MMP16: variants seen among roughly 807,000 people sequenced by gnomAD.
MMP16 encodes matrix metallopeptidase 16, also known as matrix metalloproteinase-16.
MMP16 carries 12 observed loss-of-function variants against 67.8 expected under a neutral mutation model. The ratio of observed to expected loss-of-function variants is 0.18; its 90% CI spans 0.11 to 0.29. The LOEUF (loss-of-function observed/expected upper bound fraction) is 0.29. Among genes scored for constraint, MMP16 ranks in the 10% least tolerant of loss-of-function variants. The pLI, the probability that MMP16 is intolerant of heterozygous loss-of-function variation, is 1.00. For missense variants in MMP16, 475 were observed against 765.7 expected (o/e 0.62, Z 4.48); for synonymous variants, 249 against 255.9 (o/e 0.97, Z 0.26).
chr8:88,122,350 C>G (rs991843180), intron 4 of MMP16, among the ~76,000 whole-genome samples: 1 of 151,936 alleles, frequency 6.6e-6, no homozygotes, highest in East Asian at 1.9e-4. Context: ...GTCATCTCCT[C>G]CATGAAGCCT....
At chr8:88,286,578 C>A (rs1810835291) in intron 1 of MMP16, among the ~76,000 whole-genome samples, 1 of 97,648 alleles carries the variant, frequency 1.0e-5, no homozygotes, top group Non-Finnish European at 2.6e-5. Context: ...ACCTGGAACT[C>A]AATTTTTTTT....
At chr8:88,127,215 G>A (rs2118461149) in intron 4 of MMP16, among the ~76,000 whole-genome samples, 1 of 151,964 alleles carries the variant, frequency 6.6e-6, no homozygotes, top group East Asian at 2.0e-4. Context: ...TGAATGCTAG[G>A]TTTGAGTGTG....
chr8:88,186,520 A>G lies in MMP16; in HGVS notation c.360T>C (p.Tyr120=). Residue 120 remains tyrosine (Y), a synonymous_variant, in exon 3 of 10, where the codon TAT becomes TAC. Coordinates refer to ENST00000286614, the MANE Select transcript of MMP16 (RefSeq NM_005941.5). ...SSKFHIRRKR[Y]ALTGQKWQHK... ...GCTGCCATTTCTGTCCTGTCAATGC[A>G]TATCGCTTTCGACGAATATGAAATT... is the stretch of plus-strand genomic sequence containing the variant. 3 of 1,610,916 alleles carry G rather than the reference A, an allele frequency of 1.9e-6. No homozygotes were observed. The highest frequency in any genetic ancestry group is 2.5e-6 in the Non-Finnish European group (3 of 1,179,378).
In MMP16 at chr8:88,116,591, G is replaced by A. The variant is rs1461273949; in HGVS notation, c.999C>T (p.Pro333=). 6.2e-7 allele frequency: 1 copy of A among 1,613,836 alleles called. No individual in the cohort carries two copies. The highest frequency in any genetic ancestry group is 8.5e-7 in the Non-Finnish European group (1 of 1,179,886). The part of the protein sequence containing the change: ...PKPPRPPTGR[P]SYPGAKPNIC... ...TGTTGGGTTTGGCTCCGGGATAGGA[G>A]GGTCTGCCGGTTGGAGGCCGAGGAG... is the stretch of plus-strand genomic sequence containing the variant. The change falls in exon 6 of 10, where the codon CCC becomes CCT. Residue 333 remains proline, a synonymous_variant. Coordinates refer to ENST00000286614, the MANE Select transcript of MMP16 (RefSeq NM_005941.5).
At chr8:88,198,294 C>G (rs1048202208) in intron 1 of MMP16, among the ~76,000 whole-genome samples, 12 of 152,124 alleles carry the variant, frequency 7.9e-5, no homozygotes, top group Non-Finnish European at 1.8e-4. Flanking sequence ...CCTCAATCTT[C>G]TATAGGGCTC....
rs180730426 is a variant in MMP16, at chr8:88,099,409, A to T, written c.1083+17098T>A. On this transcript the variant is annotated intron_variant, in intron 6 of 9. Transcript: ENST00000286614. ...GACTTAATACAATTTAAAACTATAAAAGTGACATAAAAGTATCATACATTT... is the reference window on the plus strand; with the variant it reads ...GACTTAATACAATTTAAAACTATAATAGTGACATAAAAGTATCATACATTT... Among the ~76,000 whole-genome samples the T allele has an allele frequency of 2.0e-5, 3 of 152,020 alleles. No individual in the cohort carries two copies. In the East Asian group the frequency reaches 5.9e-4, roughly 30 times the overall value.
intron 1 of MMP16, among the ~76,000 whole-genome samples, chr8:88,202,959 C>T (rs974770044): frequency 6.6e-6 from 1 of 152,082 alleles, no homozygotes; most frequent in Non-Finnish European, 1.5e-5. Context: ...ATGTGAGTCA[C>T]AGACTCAACT....
chr8:88,098,609 T>C (rs1340615782), intron 6 of MMP16, among the ~76,000 whole-genome samples: 1 of 151,976 alleles, frequency 6.6e-6, no homozygotes. Flanking sequence ...TAAATATTAC[T>C]ACTACAGATT....
At chr8:88,255,737 A>T (rs929450168) in intron 1 of MMP16, among the ~76,000 whole-genome samples, 2 of 152,160 alleles carry the variant, frequency 1.3e-5, no homozygotes, top group African/African-American at 4.8e-5. Context: ...TTAAGGGCTG[A>T]TTGTTAGGGA....
At chr8:88,149,100 G>T (rs564304597) in intron 4 of MMP16, among the ~76,000 whole-genome samples, 4 of 152,282 alleles carry the variant, frequency 2.6e-5, no homozygotes, top group African/African-American at 9.6e-5. Context: ...AAGGGGTGAC[G>T]GACGCACCTG....
intron 1 of MMP16, among the ~76,000 whole-genome samples, chr8:88,267,061 G>C (rs1320425419): frequency 6.6e-6 from 1 of 152,130 alleles, no homozygotes; most frequent in Non-Finnish European, 1.5e-5. Flanking sequence ...CAACTAAGAT[G>C]TCATTCTTAG....
rs1808107611 is a variant in MMP16, at chr8:88,039,853, C to T, written c.*1608G>A. 1 of 152,624 alleles carries T rather than the reference C, an allele frequency of 6.6e-6. No homozygotes were observed. The highest frequency in any genetic ancestry group is 2.4e-5 in the African/African-American group (1 of 41,454). 9.5% of individuals were successfully genotyped at this position (152,624 alleles called of 1,614,324 possible). On this transcript the variant is annotated 3_prime_UTR_variant, in exon 10 of 10. Coordinates refer to ENST00000286614, the MANE Select transcript of MMP16 (RefSeq NM_005941.5). This position sits in a 1 kb window ranked among gnomAD's most constrained non-coding sequence, Gnocchi z 4.5. ...TGATACAAACCTGCTCTGCAGGTCA[C>T]ATGAAAATGACAATACTGCTGTTAG...
chr8:88,122,980 G>C (rs1381006511), intron 4 of MMP16, among the ~76,000 whole-genome samples: 1 of 150,844 alleles, frequency 6.6e-6, no homozygotes, highest in South Asian at 2.1e-4. Flanking sequence ...CTTCATATGA[G>C]TGCAGCCCCG....
intron 4 of MMP16, among the ~76,000 whole-genome samples, chr8:88,145,214 G>C (rs1808271160): frequency 6.6e-6 from 1 of 151,876 alleles, no homozygotes; most frequent in Admixed American, 6.6e-5. Flanking sequence ...ACACACCTAG[G>C]CTATATGGTA....
intron 1 of MMP16, among the ~76,000 whole-genome samples, chr8:88,221,530 C>T (rs1208172197): frequency 6.6e-6 from 1 of 151,788 alleles, no homozygotes; most frequent in Non-Finnish European, 1.5e-5. Flanking sequence ...AGAAACAAAA[C>T]AAAATCGTTA....
At chr8:88,215,782 T>C (rs761264452) in intron 1 of MMP16, among the ~76,000 whole-genome samples, 7 of 152,290 alleles carry the variant, frequency 4.6e-5, no homozygotes, top group Non-Finnish European at 1.0e-4. Context: ...AATAGTTTCA[T>C]ACTGAAATTT....
intron 3 of MMP16, among the ~76,000 whole-genome samples, chr8:88,181,734 C>G (rs1267807438): frequency 6.6e-6 from 1 of 151,836 alleles, no homozygotes; most frequent in African/African-American, 2.4e-5. Flanking sequence ...AAAATAAACA[C>G]AATCAGACAA....
chr8:88,261,571 A>G (rs1325845617), intron 1 of MMP16, among the ~76,000 whole-genome samples: 3 of 152,022 alleles, frequency 2.0e-5, no homozygotes, highest in Non-Finnish European at 4.4e-5. Flanking sequence ...TCACTCAATT[A>G]AAACTCCTCC....
chr8:88,052,295 T>C (rs941605112), intron 8 of MMP16, among the ~76,000 whole-genome samples: 6 of 152,202 alleles, frequency 3.9e-5, no homozygotes, highest in African/African-American at 1.4e-4. Context: ...TAAGGTGCTA[T>C]CTGCTTAATT....
Sources: gnomAD v4.1 joint callset for allele counts (sites outside exome capture counted in the v4.1 genomes callset) on GRCh38, gnomAD v4.1.1 for gene constraint, Gnocchi (gnomAD v3.1) non-coding constraint, MANE v1.5 for transcripts, NCBI Gene and HGNC (gene_info 2026-07-23, HGNC 2026-07-21) for gene names.